RASAL2: variants seen among roughly 807,000 people sequenced by gnomAD.
RASAL2 encodes the protein RAS protein activator like 2, also known as ras GTPase-activating protein nGAP.
RASAL2 carries 58 observed loss-of-function variants against 128.9 expected under a neutral mutation model. The observed-to-expected ratio is 0.45, with a 90% confidence interval of 0.36 to 0.56. The LOEUF is 0.56. RASAL2 is among the 20% of genes least tolerant of loss of function. The probability of loss-of-function intolerance (pLI) is 0.00; values close to 1 mark genes in which losing one functional copy is unlikely to be tolerated. For missense variants in RASAL2, 1,360 were observed against 1,601.6 expected, an observed-to-expected ratio of 0.85 and a Z score of 2.57; for synonymous variants, 561 against 580.8, an observed-to-expected ratio of 0.97 and a Z score of 0.49.
chr1:178,337,475 A>G (rs1407709875), intron 3 of RASAL2, among the ~76,000 whole-genome samples: 1 of 152,218 alleles, frequency 6.6e-6, no homozygotes, highest in African/African-American at 2.4e-5. Flanking sequence ...AGACCCACAT[A>G]TCAGAATGCC....
chr1:178,183,056 G>A (rs1011773526), intron 1 of RASAL2, among the ~76,000 whole-genome samples: 3 of 152,112 alleles, frequency 2.0e-5, no homozygotes, highest in Admixed American at 6.5e-5. Context: ...CTCACCCACC[G>A]CTCACCTCCT....
chr1:178,288,502 C>T (rs1667132488), intron 2 of RASAL2, among the ~76,000 whole-genome samples: 1 of 151,674 alleles, frequency 6.6e-6, no homozygotes, highest in African/African-American at 2.4e-5. Context: ...GTGGTCAGCC[C>T]TTCTGCTTGT....
At chr1:178,450,874 T>A (rs1446543945) in intron 9 of RASAL2, among the ~76,000 whole-genome samples, 1 of 152,082 alleles carries the variant, frequency 6.6e-6, no homozygotes, top group Non-Finnish European at 1.5e-5. Flanking sequence ...TAATGAGAAA[T>A]ATGAAGTAGT....
intron 1 of RASAL2, among the ~76,000 whole-genome samples, chr1:178,276,561 G>A (rs1402765759): frequency 6.6e-6 from 1 of 151,520 alleles, no homozygotes; most frequent in African/African-American, 2.4e-5. Context: ...TGCCCAGGCA[G>A]AGTACAGTGG....
chr1:178,267,720 T>G (rs1474703806), intron 1 of RASAL2, among the ~76,000 whole-genome samples: 1 of 149,718 alleles, frequency 6.7e-6, no homozygotes, highest in East Asian at 2.0e-4. Flanking sequence ...GCTATTCCCC[T>G]GCCTCAGCCT....
At chr1:178,139,003 A>G (rs921328660) in intron 1 of RASAL2, among the ~76,000 whole-genome samples, 3 of 152,090 alleles carry the variant, frequency 2.0e-5, no homozygotes, top group South Asian at 2.1e-4. Flanking sequence ...TTGAAAAAGA[A>G]AGGTAAATTC....
Position 178,473,379 on chromosome 1 carries a change from AAC to A in RASAL2, c.*141_*142del. On this transcript the variant is annotated 3_prime_UTR_variant, in exon 18 of 18. Transcript: ENST00000367649. The stretch of plus-strand genomic sequence containing the variant: ...TGAGAAACTCCTGAATGAAGAAAGG[AAC>A]CTTGTCTTTCAGGGCATAAGGCGGC... The A allele has an allele frequency of 9.0e-7, 1 of 1,105,392 alleles. No individual in the cohort carries two copies. Among genetic ancestry groups the A allele is most frequent in the South Asian group, 1.5e-5 (1 of 65,834 alleles). The allele number at this position is 1,105,392 out of a possible 1,614,324, so 68.5% of individuals were successfully genotyped here.
In RASAL2 at chr1:178,443,013, C is replaced by A. The variant is rs1302811344; in HGVS notation, c.1266C>A (p.Pro422=). Residue 422 remains proline, a synonymous_variant, in exon 8 of 18, where the codon CCC becomes CCA. Transcript: ENST00000367649. The part of the protein sequence containing the change: ...EKWYPVSTPT[P]NKGKTGGPSI... ...GGTATCCAGTGAGTACACCTACACC[C>A]AACAAAGGAAAGACAGGAGGACCTT... is the stretch of plus-strand genomic sequence containing the variant. 6.2e-7 allele frequency: 1 copy of A among 1,613,926 alleles called. No individual in the cohort carries two copies. Among genetic ancestry groups the A allele is most frequent in the Non-Finnish European group, 8.5e-7 (1 of 1,179,966 alleles).
chr1:178,385,797 T>C (rs974907707), intron 3 of RASAL2, among the ~76,000 whole-genome samples: 11 of 152,178 alleles, frequency 7.2e-5, no homozygotes, highest in Non-Finnish European at 1.3e-4. Context: ...CTGGCCTCTT[T>C]GTTGCGGTTT....
chr1:178,385,626 G>T (rs1042397703), intron 3 of RASAL2, among the ~76,000 whole-genome samples: 1 of 151,936 alleles, frequency 6.6e-6, no homozygotes, highest in African/African-American at 2.4e-5. Context: ...GAAGAAAGGG[G>T]TTCTTTAAAA....
At position 178,261,288 on chromosome 1, in the gene RASAL2, A is replaced by G. The variant is rs555661310; in HGVS notation, c.203-22276A>G. ...CAAATAAATTTGATGTGAGCATAAT[A>G]TAAATATTTAGGCCTACCTCTGGAT... On this transcript the variant is annotated intron_variant, in intron 1 of 17. Coordinates refer to ENST00000367649, the MANE Select transcript of RASAL2 (RefSeq NM_170692.4). 1.3e-4 allele frequency among the ~76,000 whole-genome samples: 20 copies of G among 152,348 alleles called. 1 individual carries two copies. In the South Asian group the frequency reaches 3.7e-3, roughly 28 times the overall value.
chr1:178,186,845 G>A (rs1171360095), intron 1 of RASAL2, among the ~76,000 whole-genome samples: 2 of 151,488 alleles, frequency 1.3e-5, no homozygotes, highest in East Asian at 3.9e-4. Flanking sequence ...GGTTGGGCAG[G>A]CAGGGTCTCT....
chr1:178,441,527 A>C, intron 6 of RASAL2, 22 bp from the exon 7 acceptor site: 1 of 1,577,150 alleles, frequency 6.3e-7, no homozygotes, highest in Non-Finnish European at 8.7e-7. Flanking sequence ...TCTTTTTCTT[A>C]TGTCTAATTT....
intron 1 of RASAL2, among the ~76,000 whole-genome samples, chr1:178,266,998 G>T (rs1416669141): frequency 1.3e-5 from 2 of 152,064 alleles, no homozygotes; most frequent in Non-Finnish European, 2.9e-5. Flanking sequence ...TTCCAGCCCA[G>T]CTCTAAGAGC....
Position 178,387,964 on chromosome 1 carries a change from GT to G in RASAL2, c.458-2128del, listed in dbSNP as rs1284186770. Among the ~76,000 whole-genome samples, 3 of 151,898 alleles carry G rather than the reference GT, an allele frequency of 2.0e-5. No homozygotes were observed. The South Asian group carries it at 6.2e-4, about 32-fold the overall frequency. On this transcript the variant is annotated intron_variant, in intron 3 of 17. Coordinates refer to ENST00000367649, the MANE Select transcript of RASAL2 (RefSeq NM_170692.4). ...GAAGAAAGTGAGGAAATTAATTTCA[GT>G]TTTTTTTCCTTAGCCAGAACATTGC...
chr1:178,377,577 C>G (rs1337665178), intron 3 of RASAL2, among the ~76,000 whole-genome samples: 1 of 152,092 alleles, frequency 6.6e-6, no homozygotes. Context: ...GTCATTCTTC[C>G]CCATAGGACT....
rs1648140388 is a variant in RASAL2, at chr1:178,470,423, C to T, written c.3679-2652C>T. 4.6e-5 allele frequency among the ~76,000 whole-genome samples: 7 copies of T among 152,182 alleles called. No homozygotes were observed. The South Asian group carries it at 1.5e-3, about 32-fold the overall frequency. ...CTAACAGGAACTGCAAAAGGATGAG[C>T]ACTCCTTTGGTGAGTGGCAGAAGCA... On this transcript the variant is annotated intron_variant, in intron 17 of 17. Transcript: ENST00000367649.
At chr1:178,193,286 A>G (rs1662550464) in intron 1 of RASAL2, among the ~76,000 whole-genome samples, 1 of 152,194 alleles carries the variant, frequency 6.6e-6, no homozygotes, top group Non-Finnish European at 1.5e-5. Flanking sequence ...CATAGGATAA[A>G]CGCAAGTCAG....
intron 3 of RASAL2, among the ~76,000 whole-genome samples, chr1:178,321,596 T>G (rs1668784485): frequency 6.6e-6 from 1 of 152,054 alleles, no homozygotes; most frequent in Admixed American, 6.5e-5. Context: ...ACTGCAGCCT[T>G]GACCTCCTAG....
Sources: gnomAD v4.1 joint callset for allele counts (sites outside exome capture counted in the v4.1 genomes callset) on GRCh38, gnomAD v4.1.1 for gene constraint, MANE v1.5 for transcripts, NCBI Gene and HGNC (gene_info 2026-07-23, HGNC 2026-07-21) for gene names.